The following ATP8A2 variants were observed in gnomAD, a reference collection of about 807,000 sequenced individuals.
ATP8A2 encodes the protein ATPase phospholipid transporting 8A2, also known as phospholipid-transporting ATPase IB.
In ATP8A2, 100 loss-of-function variants were observed where a neutral mutation model predicts 165.6. That is an observed-to-expected ratio of 0.60 (90% CI 0.51 to 0.71). The LOEUF is 0.71. Among genes scored for constraint, ATP8A2 ranks in the 30% least tolerant of loss-of-function variants. The probability of loss-of-function intolerance (pLI) is 0.00; values close to 1 mark genes in which losing one functional copy is unlikely to be tolerated. For missense variants in ATP8A2, 1,227 were observed against 1,479.5 expected, an observed-to-expected ratio of 0.83 and a Z score of 2.80; for synonymous variants, 543 against 548.8, an observed-to-expected ratio of 0.99 and a Z score of 0.15.
intron 4 of ATP8A2, among the ~76,000 whole-genome samples, chr13:25,531,327 T>TATATATGTTATATATG (rs1478152800): frequency 1.1e-4 from 9 of 83,306 alleles, no homozygotes; most frequent in African/African-American, 2.3e-4. Flanking sequence ...TTATATATGA[T>TATATATGTTATATATG]ATATATATGT....
chr13:25,697,241 T>C (rs1014813714), intron 24 of ATP8A2, among the ~76,000 whole-genome samples: 11 of 152,030 alleles, frequency 7.2e-5, no homozygotes, highest in Admixed American at 6.6e-4. Context: ...AGAAGAGATG[T>C]GTATTTTCCT....
intron 33 of ATP8A2, among the ~76,000 whole-genome samples, chr13:25,864,615 C>T (rs1952453330): frequency 6.6e-6 from 1 of 152,172 alleles, no homozygotes; most frequent in African/African-American, 2.4e-5. Flanking sequence ...CATATTCAAC[C>T]ACATTGCATT....
intron 25 of ATP8A2, among the ~76,000 whole-genome samples, chr13:25,767,327 C>T (rs1815560870): frequency 6.6e-6 from 1 of 152,128 alleles, no homozygotes; most frequent in African/African-American, 2.4e-5. Flanking sequence ...TCTTTTAGGC[C>T]ACATTAAAGT....
intron 10 of ATP8A2, among the ~76,000 whole-genome samples, chr13:25,548,492 C>T (rs1213493191): frequency 6.6e-6 from 1 of 152,220 alleles, no homozygotes; most frequent in East Asian, 1.9e-4. Flanking sequence ...TAATTTTTTT[C>T]CTGCCTGTAC....
intron 24 of ATP8A2, among the ~76,000 whole-genome samples, chr13:25,696,223 A>G (rs2042831429): frequency 6.6e-6 from 1 of 152,212 alleles, no homozygotes. Context: ...AAACCATTCT[A>G]TAAACAGATG....
chr13:25,628,330 T>G lies in ATP8A2; in HGVS notation c.2211+38631T>G, dbSNP rs564043539. ...ACATCACACAGCTTTGCTTTACCCT[T>G]TATGTTAATTAATCCTGCTGTATGT... On this transcript the variant is annotated intron_variant, in intron 24 of 36. Coordinates refer to ENST00000381655, the MANE Select transcript of ATP8A2 (RefSeq NM_016529.6). Among the ~76,000 whole-genome samples the G allele has an allele frequency of 3.3e-5, 5 of 152,320 alleles. No homozygotes were observed. In the East Asian group the frequency reaches 9.6e-4, roughly 29 times the overall value.
chr13:25,663,628 T>A (rs1045482165), intron 24 of ATP8A2, among the ~76,000 whole-genome samples: 56 of 152,162 alleles, frequency 3.7e-4, no homozygotes, highest in African/African-American at 1.3e-3. Flanking sequence ...TGAACTAGAA[T>A]TCTCTTTGTT....
intron 10 of ATP8A2, among the ~76,000 whole-genome samples, chr13:25,551,056 G>A (rs1204310395): frequency 6.6e-6 from 1 of 152,138 alleles, no homozygotes; most frequent in Non-Finnish European, 1.5e-5. Flanking sequence ...GATAAGGAAA[G>A]TGACAATTAT....
chr13:25,599,379 C>T (rs1418102808), intron 24 of ATP8A2, among the ~76,000 whole-genome samples: 1 of 152,210 alleles, frequency 6.6e-6, no homozygotes, highest in Non-Finnish European at 1.5e-5. Flanking sequence ...CAGCTGTCAT[C>T]GGCTCACCTC....
intron 24 of ATP8A2, among the ~76,000 whole-genome samples, chr13:25,686,039 T>C (rs975569964): frequency 1.3e-5 from 2 of 152,178 alleles, no homozygotes; most frequent in African/African-American, 4.8e-5. Flanking sequence ...GATTCTGATA[T>C]CCTTGGTGTG....
At chr13:25,831,520 C>T (rs74862895) in intron 28 of ATP8A2, among the ~76,000 whole-genome samples, 1 of 152,118 alleles carries the variant, frequency 6.6e-6, no homozygotes, top group African/African-American at 2.4e-5. Flanking sequence ...GCCTCTCAAA[C>T]TAATTTTCAT....
Position 25,917,428 on chromosome 13 carries a change from T to C in ATP8A2, c.3184-44147T>C, listed in dbSNP as rs1405324835. 2.0e-5 allele frequency among the ~76,000 whole-genome samples: 3 copies of C among 152,382 alleles called. No individual in the cohort carries two copies. The East Asian group carries it at 5.8e-4, about 29-fold the overall frequency. On this transcript the variant is annotated intron_variant, in intron 33 of 36. Coordinates refer to ENST00000381655, the MANE Select transcript of ATP8A2 (RefSeq NM_016529.6). ...CAAATATGATACAGTAGTAGTTGTTTTGCATTGATTATATCTGCTCCTCAT... is the reference window on the plus strand; with the variant it reads ...CAAATATGATACAGTAGTAGTTGTTCTGCATTGATTATATCTGCTCCTCAT...
chr13:25,978,651 C>T (rs1329130112), intron 35 of ATP8A2, among the ~76,000 whole-genome samples: 1 of 152,136 alleles, frequency 6.6e-6, no homozygotes, highest in Non-Finnish European at 1.5e-5. Flanking sequence ...AAAAAGAAGA[C>T]TCAGGAGAGG....
chr13:25,574,885 TA>T, intron 19 of ATP8A2, 28 bp downstream of exon 19: 1 of 1,260,366 alleles, frequency 7.9e-7, no homozygotes, highest in Non-Finnish European at 1.2e-6. Context: ...ACGTTTGAAA[TA>T]AAATAATTAT....
chr13:25,675,857 A>T (rs1196034433), intron 24 of ATP8A2, among the ~76,000 whole-genome samples: 1 of 152,200 alleles, frequency 6.6e-6, no homozygotes, highest in East Asian at 1.9e-4. Flanking sequence ...TTAAGTTGAA[A>T]TGCCATAATT....
chr13:25,736,330 A>G (rs2043767928), intron 25 of ATP8A2, among the ~76,000 whole-genome samples: 1 of 152,226 alleles, frequency 6.6e-6, no homozygotes, highest in Non-Finnish European at 1.5e-5. Flanking sequence ...TAGGAGGAAG[A>G]TTGAACTTAC....
At chr13:25,947,753 G>A (rs901842822) in intron 33 of ATP8A2, among the ~76,000 whole-genome samples, 5 of 152,146 alleles carry the variant, frequency 3.3e-5, no homozygotes, top group Admixed American at 2.0e-4. Flanking sequence ...AGCAGACACC[G>A]TGGTCAGCCT....
intron 27 of ATP8A2, among the ~76,000 whole-genome samples, chr13:25,818,099 G>A (rs1242675555): frequency 6.6e-6 from 1 of 152,182 alleles, no homozygotes; most frequent in African/African-American, 2.4e-5. Flanking sequence ...TGCTAGGCCA[G>A]TCTCAACCAT....
chr13:26,011,690 T>C (rs1343951294), intron 35 of ATP8A2, among the ~76,000 whole-genome samples: 2 of 152,098 alleles, frequency 1.3e-5, no homozygotes, highest in Non-Finnish European at 2.9e-5. Context: ...TCCTAGCACT[T>C]TGGGAGGCCG....
Sources: allele counts gnomAD v4.1 joint callset (sites outside exome capture counted in the v4.1 genomes callset), GRCh38; gene constraint gnomAD v4.1.1; transcripts MANE v1.5; gene names NCBI Gene and HGNC (gene_info 2026-07-23, HGNC 2026-07-21).